Variants in SPINK5 observed in about 807,000 individuals in gnomAD.
The protein encoded by SPINK5 is serine protease inhibitor Kazal-type 5.
In SPINK5, 125 loss-of-function variants were observed where a neutral mutation model predicts 151.8. The ratio of observed to expected loss-of-function variants is 0.82; its 90% CI spans 0.71 to 0.96. SPINK5 has a LOEUF of 0.96. Ranked by LOEUF, SPINK5 falls within the 40% of genes least tolerant of loss-of-function variation. The pLI is 0.00. For synonymous variants in SPINK5, 374 were observed against 395.3 expected (o/e 0.95, Z 0.64); for missense variants, 1,194 against 1,291.9 (o/e 0.92, Z 1.16).
chr5:148,124,175 G>A (rs1754368460), intron 27 of SPINK5, among the ~76,000 whole-genome samples: 1 of 152,212 alleles, frequency 6.6e-6, no homozygotes, highest in Non-Finnish European at 1.5e-5. Flanking sequence ...GGGGTAGGAA[G>A]AGGTAGCTTA....
chr5:148,121,327 G>C (rs12657423), intron 26 of SPINK5, among the ~76,000 whole-genome samples: 6 of 51,066 alleles, frequency 1.2e-4, no homozygotes, highest in African/African-American at 2.9e-4. Flanking sequence ...ATGCACCGAC[G>C]GACTCCAATT....
intron 3 of SPINK5, among the ~76,000 whole-genome samples, chr5:148,071,653 G>C (rs1024247183): frequency 2.9e-5 from 4 of 139,554 alleles, no homozygotes; most frequent in Admixed American, 2.2e-4. Context: ...TATGACTTAC[G>C]TAAATTATGT....
chr5:148,079,937 T>C (rs1376580992), intron 4 of SPINK5, among the ~76,000 whole-genome samples: 1 of 151,070 alleles, frequency 6.6e-6, no homozygotes, highest in Admixed American at 6.6e-5. Flanking sequence ...ATTAATTAAT[T>C]AAAGACACTT....
chr5:148,087,145 T>C (rs1474512521), intron 5 of SPINK5, among the ~76,000 whole-genome samples: 1 of 151,810 alleles, frequency 6.6e-6, no homozygotes, highest in East Asian at 1.9e-4. Context: ...GAGTAGATAA[T>C]TGAGACTTTC....
intron 26 of SPINK5, among the ~76,000 whole-genome samples, chr5:148,123,414 T>TATC (rs751370176): frequency 9.2e-4 from 124 of 134,942 alleles, no homozygotes; most frequent in African/African-American, 3.4e-3. Flanking sequence ...ATATAATATA[T>TATC]TATATATATA....
intron 4 of SPINK5, among the ~76,000 whole-genome samples, chr5:148,072,648 C>T (rs1017222): frequency 1.3e-5 from 2 of 151,748 alleles, no homozygotes; most frequent in Non-Finnish European, 2.9e-5. Context: ...AGTTTTAGAC[C>T]GAATAGAAAC....
chr5:148,064,278 T>C (rs548361103), intron 1 of SPINK5, among the ~76,000 whole-genome samples, 179 bp downstream of exon 1: 7 of 152,342 alleles, frequency 4.6e-5, no homozygotes, highest in Admixed American at 3.3e-4. Flanking sequence ...TATGTTGTTA[T>C]CTTTAGAAAT....
At chr5:148,096,002 T>C in intron 10 of SPINK5, 97 bp downstream of exon 10, 1 of 946,620 alleles carries the variant, frequency 1.1e-6, no homozygotes, top group South Asian at 1.4e-5. Context: ...ACTTTCAATA[T>C]TGTTTAATAT....
intron 5 of SPINK5, among the ~76,000 whole-genome samples, chr5:148,086,915 A>T (rs1472401637): frequency 2.0e-5 from 3 of 146,352 alleles, no homozygotes; most frequent in Non-Finnish European, 1.5e-5. Context: ...ATGATTTTAT[A>T]ATCTATAAGT....
intron 30 of SPINK5, among the ~76,000 whole-genome samples, chr5:148,129,840 T>A (rs1216268084): frequency 1.3e-5 from 2 of 152,196 alleles, no homozygotes; most frequent in Non-Finnish European, 2.9e-5. Context: ...TAAGTAGTTT[T>A]CAAGGAATTT....
Position 148,107,295 on chromosome 5 carries a change from A to G in SPINK5, c.1607+131A>G, listed in dbSNP as rs549977540. 1,744 of 1,243,650 alleles carry G rather than the reference A, an allele frequency of 1.4e-3. 14 individuals are homozygous for G. The highest frequency in any genetic ancestry group is 5.1e-3 in the South Asian group (417 of 81,218). The allele number at this position is 1,243,650 out of a possible 1,614,324, so 77.0% of individuals were successfully genotyped here. On this transcript the variant is annotated intron_variant, in intron 17 of 32. Coordinates refer to ENST00000256084, the MANE Select transcript of SPINK5 (RefSeq NM_006846.4). The stretch of plus-strand genomic sequence containing the variant: ...AGAAAGGTTTACAAGCAGATGGATA[A>G]GACATTAAGTAATATTGAATCATAT...
At chr5:148,125,507 T>G in intron 28 of SPINK5, 11 of 1,610,208 alleles carry the variant, frequency 6.8e-6, no homozygotes, top group Non-Finnish European at 9.3e-6. Context: ...TGTTTTATGT[T>G]TCCCTACATT....
intron 22 of SPINK5, among the ~76,000 whole-genome samples, chr5:148,116,924 T>C (rs1207210733): frequency 6.6e-6 from 1 of 152,216 alleles, no homozygotes; most frequent in Non-Finnish European, 1.5e-5. Flanking sequence ...TTGTGAGACA[T>C]TGAGTAAATT....
intron 4 of SPINK5, among the ~76,000 whole-genome samples, chr5:148,085,416 G>C (rs923616345): frequency 2.6e-5 from 4 of 151,864 alleles, no homozygotes; most frequent in Admixed American, 2.6e-4. Flanking sequence ...TTGGTTTTAG[G>C]TAAAAGTTAA....
chr5:148,108,639 G>C (rs1753840530), intron 17 of SPINK5, 114 bp from the exon 18 acceptor site: 10 of 1,459,624 alleles, frequency 6.9e-6, no homozygotes, highest in Admixed American at 1.8e-5. Context: ...AGATAAATTT[G>C]TATTGAAGAC....
At chr5:148,097,144 T>G (rs2113102781) in intron 10 of SPINK5, among the ~76,000 whole-genome samples, 1 of 151,878 alleles carries the variant, frequency 6.6e-6, no homozygotes, top group Admixed American at 6.6e-5. Flanking sequence ...ATATAATTAC[T>G]GTTCTAACTT....
chr5:148,081,740 A>G (rs1753026497), intron 4 of SPINK5, among the ~76,000 whole-genome samples: 1 of 151,704 alleles, frequency 6.6e-6, no homozygotes. Context: ...ATCACTTTCA[A>G]TGGGTGAATT....
chr5:148,128,222 G>GT (rs58436321), intron 30 of SPINK5, among the ~76,000 whole-genome samples: 15 of 150,886 alleles, frequency 9.9e-5, no homozygotes, highest in Admixed American at 2.6e-4. Context: ...AACAAAATAT[G>GT]TTTTTTTTTT....
At chr5:148,091,067 A>G (rs1459830296) in intron 7 of SPINK5, 98 bp from the exon 8 acceptor site, 4 of 1,016,730 alleles carry the variant, frequency 3.9e-6, no homozygotes, top group African/African-American at 3.2e-5. Flanking sequence ...ATTTTCAGCA[A>G]TTCGTAGCAG....
Sources: allele counts gnomAD v4.1 joint callset (sites outside exome capture counted in the v4.1 genomes callset), GRCh38; gene constraint gnomAD v4.1.1; transcripts MANE v1.5; gene names NCBI Gene and HGNC (gene_info 2026-07-23, HGNC 2026-07-21).